FAT3: variants seen among roughly 807,000 people sequenced by gnomAD.
FAT3 encodes protocadherin Fat 3.
A neutral mutation model predicts 310.2 loss-of-function variants in FAT3; 95 were observed. The ratio of observed to expected loss-of-function variants is 0.31; its 90% CI spans 0.26 to 0.36. The LOEUF (loss-of-function observed/expected upper bound fraction) is 0.36, where lower values mean the gene tolerates loss of function less well. FAT3 is among the 10% of genes least tolerant of loss of function. The probability of loss-of-function intolerance (pLI) is 1.00; values close to 1 mark genes in which losing one functional copy is unlikely to be tolerated. For missense variants in FAT3, 5,408 were observed against 5,715.6 expected, an observed-to-expected ratio of 0.95 and a Z score of 1.74; for synonymous variants, 2,314 against 2,192.9, an observed-to-expected ratio of 1.06 and a Z score of -1.54.
Position 92,534,767 on chromosome 11 carries a change from G to C in FAT3, c.3607+9819G>C, listed in dbSNP as rs185265373. Among the ~76,000 whole-genome samples the C allele has an allele frequency of 2.6e-5, 4 of 152,258 alleles. No individual in the cohort carries two copies. The East Asian group carries it at 7.7e-4, about 29-fold the overall frequency. On this transcript the variant is annotated intron_variant, in intron 3 of 27. Coordinates refer to ENST00000525166, the MANE Select transcript of FAT3 (RefSeq NM_001367949.2). The stretch of plus-strand genomic sequence containing the variant: ...GTCACCGAAGACAAGATTCATGCCT[G>C]AAGTACCTGTAACAAAAGGCAGGCT...
intron 21 of FAT3, among the ~76,000 whole-genome samples, chr11:92,861,935 A>G (rs1235437040): frequency 1.3e-5 from 2 of 152,202 alleles, no homozygotes. Context: ...CCTTACAGAC[A>G]ATTAAAGAAT....
At chr11:92,292,668 G>A (rs370207326) in intron 1 of FAT3, among the ~76,000 whole-genome samples, 12 of 152,072 alleles carry the variant, frequency 7.9e-5, no homozygotes, top group East Asian at 5.8e-4. Context: ...TTTAAAAGAG[G>A]CATTTAGGTG....
At chr11:92,590,763 G>A (rs559781789) in intron 3 of FAT3, among the ~76,000 whole-genome samples, 1 of 152,234 alleles carries the variant, frequency 6.6e-6, no homozygotes, top group Non-Finnish European at 1.5e-5. Context: ...TGCTGATGCT[G>A]AGGAACAGAA....
intron 3 of FAT3, among the ~76,000 whole-genome samples, chr11:92,615,278 G>T (rs1446009097): frequency 4.6e-5 from 7 of 151,896 alleles, no homozygotes; most frequent in African/African-American, 1.7e-4. Flanking sequence ...CAGAGTTTCG[G>T]TCTTGTTGCC....
In FAT3 at chr11:92,389,694, G is replaced by T. The variant is rs1207155104; in HGVS notation, c.3292+34290G>T. Among the ~76,000 whole-genome samples, 9 of 152,144 alleles carry T rather than the reference G, an allele frequency of 5.9e-5. No individual in the cohort carries two copies. In the South Asian group the frequency reaches 1.4e-3, roughly 24 times the overall value. ...ATAATCTTCACAGTAGCAGTTAGAAGTGAGGAAAATGGACTTTTCCTTTTA... is the reference window on the plus strand; with the variant it reads ...ATAATCTTCACAGTAGCAGTTAGAATTGAGGAAAATGGACTTTTCCTTTTA... On this transcript the variant is annotated intron_variant, in intron 2 of 27. Coordinates refer to ENST00000525166, the MANE Select transcript of FAT3 (RefSeq NM_001367949.2).
intron 3 of FAT3, among the ~76,000 whole-genome samples, chr11:92,664,927 A>G (rs1274695364): frequency 1.2e-4 from 18 of 152,204 alleles, no homozygotes; most frequent in Non-Finnish European, 1.2e-4. Context: ...TTTGCGGATT[A>G]CATTTAATAA....
chr11:92,516,357 C>T (rs1391536675), intron 2 of FAT3, among the ~76,000 whole-genome samples: 5 of 152,060 alleles, frequency 3.3e-5, no homozygotes, highest in Admixed American at 3.3e-4. Flanking sequence ...TAAACATAAG[C>T]CATCACATAA....
chr11:92,791,607 T>A (rs965834473), intron 8 of FAT3, among the ~76,000 whole-genome samples: 7 of 152,236 alleles, frequency 4.6e-5, no homozygotes, highest in Non-Finnish European at 7.3e-5. Context: ...CACTGCCTTT[T>A]TCCTAGCTAA....
At chr11:92,725,817 A>C (rs914470486) in intron 4 of FAT3, among the ~76,000 whole-genome samples, 1 of 152,176 alleles carries the variant, frequency 6.6e-6, no homozygotes, top group African/African-American at 2.4e-5. Flanking sequence ...CTCCTTTTCT[A>C]TTGAGCCAAG....
chr11:92,663,774 G>A (rs1037588460), intron 3 of FAT3, among the ~76,000 whole-genome samples: 1 of 152,108 alleles, frequency 6.6e-6, no homozygotes, highest in African/African-American at 2.4e-5. Flanking sequence ...TTGGCTTAAA[G>A]AAGACCCACA....
At chr11:92,412,124 G>A (rs1950283694) in intron 2 of FAT3, among the ~76,000 whole-genome samples, 1 of 151,974 alleles carries the variant, frequency 6.6e-6, no homozygotes, top group South Asian at 2.1e-4. Context: ...TATTTTTTGA[G>A]ATGGAGTCTC....
intron 5 of FAT3, among the ~76,000 whole-genome samples, chr11:92,763,858 C>CATGT (rs1486982818): frequency 6.6e-6 from 1 of 152,044 alleles, no homozygotes; most frequent in East Asian, 1.9e-4. Context: ...TGGCTTAAGA[C>CATGT]ATGTATCCTC....
intron 3 of FAT3, among the ~76,000 whole-genome samples, chr11:92,570,825 T>A (rs1471498686): frequency 6.6e-6 from 1 of 152,180 alleles, no homozygotes; most frequent in African/African-American, 2.4e-5. Context: ...CATTGCTTAG[T>A]AGCTTGTGGA....
chr11:92,712,810 A>G (rs1455615691), intron 4 of FAT3, among the ~76,000 whole-genome samples: 1 of 152,240 alleles, frequency 6.6e-6, no homozygotes, highest in Admixed American at 6.5e-5. Context: ...ACCATCTATA[A>G]GGTTGCCAGT....
chr11:92,894,937 C>G lies in FAT3; in HGVS notation c.*3824C>G, dbSNP rs2136461866. 1 of 152,294 alleles carries G rather than the reference C, an allele frequency of 6.6e-6. No individual in the cohort carries two copies. The highest frequency in any genetic ancestry group is 3.4e-3 in the Middle Eastern group (1 of 294). 9.4% of individuals were successfully genotyped at this position (152,294 alleles called of 1,614,324 possible). ...CCTCTCCTACTTACTTCCCACCCCACCCTATCCACTACCCCCACTGATGCT... is the reference window on the plus strand; with the variant it reads ...CCTCTCCTACTTACTTCCCACCCCAGCCTATCCACTACCCCCACTGATGCT... On this transcript the variant is annotated 3_prime_UTR_variant, in exon 28 of 28. Transcript: ENST00000525166.
At chr11:92,324,034 C>T (rs1371721091) in intron 1 of FAT3, among the ~76,000 whole-genome samples, 1 of 152,174 alleles carries the variant, frequency 6.6e-6, no homozygotes, top group African/African-American at 2.4e-5. Flanking sequence ...ATGCAGCTTC[C>T]TCAACTCTGT....
chr11:92,410,999 C>A (rs1950245452), intron 2 of FAT3, among the ~76,000 whole-genome samples: 1 of 148,188 alleles, frequency 6.7e-6, no homozygotes, highest in South Asian at 2.1e-4. Flanking sequence ...CATCAAAGGT[C>A]TTAAAGGTGT....
intron 2 of FAT3, among the ~76,000 whole-genome samples, chr11:92,449,412 G>T: frequency 6.6e-6 from 1 of 152,094 alleles, no homozygotes; most frequent in East Asian, 1.9e-4. Flanking sequence ...GTGGAATCGG[G>T]TTCCCTATGA....
At chr11:92,407,448 A>T (rs1431463727) in intron 2 of FAT3, among the ~76,000 whole-genome samples, 1 of 152,212 alleles carries the variant, frequency 6.6e-6, no homozygotes, top group African/African-American at 2.4e-5. Context: ...GTTGAGGGGT[A>T]ACATGAATAA....
Sources: allele counts gnomAD v4.1 joint callset (sites outside exome capture counted in the v4.1 genomes callset), GRCh38; gene constraint gnomAD v4.1.1; transcripts MANE v1.5; gene names NCBI Gene and HGNC (gene_info 2026-07-23, HGNC 2026-07-21).